TLE4: variants seen among roughly 807,000 people sequenced by gnomAD.
TLE4 encodes the protein transducin-like enhancer protein 4.
In TLE4, 8 loss-of-function variants were observed where a neutral mutation model predicts 92.8. That is an observed-to-expected ratio of 0.09 (90% CI 0.05 to 0.16). The LOEUF (loss-of-function observed/expected upper bound fraction) is 0.16, where lower values mean the gene tolerates loss of function less well. Among genes scored for constraint, TLE4 ranks in the 10% least tolerant of loss-of-function variants. TLE4 has a pLI of 1.00. For synonymous variants in TLE4, 371 were observed against 374.1 expected, an observed-to-expected ratio of 0.99 and a Z score of 0.10; for missense variants, 675 against 997.6, an observed-to-expected ratio of 0.68 and a Z score of 4.36.
At chr9:79,684,303 A>G (rs893380114) in intron 8 of TLE4, among the ~76,000 whole-genome samples, 1 of 152,154 alleles carries the variant, frequency 6.6e-6, no homozygotes, top group African/African-American at 2.4e-5. Flanking sequence ...GGGATCCCCA[A>G]ACCCCAGGCC....
intron 5 of TLE4, among the ~76,000 whole-genome samples, chr9:79,621,186 A>G (rs1416051798): frequency 6.6e-6 from 1 of 152,218 alleles, no homozygotes; most frequent in East Asian, 1.9e-4. Context: ...AGAGTTGCTG[A>G]AAAAGGCTTT....
intron 5 of TLE4, among the ~76,000 whole-genome samples, chr9:79,613,891 A>G (rs1210047989): frequency 6.6e-6 from 1 of 152,122 alleles, no homozygotes; most frequent in African/African-American, 2.4e-5. Flanking sequence ...ATATTCACAA[A>G]TCTTGTTGAC....
intron 14 of TLE4, among the ~76,000 whole-genome samples, chr9:79,714,812 C>T (rs959848706): frequency 5.3e-5 from 8 of 152,210 alleles, no homozygotes; most frequent in Admixed American, 5.2e-4. Context: ...ACACATTGTG[C>T]ATTAAATTAG....
intron 8 of TLE4, among the ~76,000 whole-genome samples, chr9:79,703,643 G>A (rs1588445526): frequency 6.6e-6 from 1 of 152,204 alleles, no homozygotes; most frequent in Non-Finnish European, 1.5e-5. Flanking sequence ...GAAAGCAGAG[G>A]TGAAGCATAC....
At chr9:79,590,135 G>A (rs1423682212) in intron 4 of TLE4, among the ~76,000 whole-genome samples, 1 of 152,168 alleles carries the variant, frequency 6.6e-6, no homozygotes, top group African/African-American at 2.4e-5. Context: ...GTTTGGAAAT[G>A]TGGTTTTACC....
At chr9:79,600,086 G>T (rs2045229832) in intron 4 of TLE4, among the ~76,000 whole-genome samples, 1 of 152,150 alleles carries the variant, frequency 6.6e-6, no homozygotes, top group Non-Finnish European at 1.5e-5. Context: ...AAATACACGG[G>T]CAGTAATGCA....
intron 8 of TLE4, among the ~76,000 whole-genome samples, chr9:79,680,231 G>T (rs2064224486): frequency 6.7e-6 from 1 of 150,208 alleles, no homozygotes; most frequent in East Asian, 2.0e-4. Context: ...TCATGATATT[G>T]ATTCTTCCTA....
chr9:79,677,583 G>A (rs780762455), intron 8 of TLE4, among the ~76,000 whole-genome samples: 63 of 150,164 alleles, frequency 4.2e-4, no homozygotes, highest in Non-Finnish European at 8.3e-4. Flanking sequence ...CATGGGTCCT[G>A]ATAACTTGTT....
intron 1 of TLE4, 28 bp from the exon 2 acceptor site, chr9:79,573,661 A>G (rs371124605): frequency 1.7e-5 from 26 of 1,557,250 alleles, no homozygotes; most frequent in South Asian, 3.5e-5. Flanking sequence ...GATGTGGGCT[A>G]ATTAAATATT....
At chr9:79,632,050 G>A (rs1401742106) in intron 6 of TLE4, among the ~76,000 whole-genome samples, 1 of 152,102 alleles carries the variant, frequency 6.6e-6, no homozygotes, top group Non-Finnish European at 1.5e-5. Flanking sequence ...TCTAGCCCTT[G>A]CCACTACAAC....
At chr9:79,589,525 G>C (rs2042023087) in intron 4 of TLE4, among the ~76,000 whole-genome samples, 1 of 152,046 alleles carries the variant, frequency 6.6e-6, no homozygotes, top group Admixed American at 6.6e-5. Context: ...CCAGATCTTT[G>C]TGGTGCTACT....
At chr9:79,672,989 G>A (rs2062666066) in intron 8 of TLE4, among the ~76,000 whole-genome samples, 2 of 152,162 alleles carry the variant, frequency 1.3e-5, no homozygotes, top group Non-Finnish European at 2.9e-5. Context: ...CTTTTAAAAT[G>A]TAATTCCAAT....
chr9:79,615,461 T>C (rs2049325687), intron 5 of TLE4, among the ~76,000 whole-genome samples: 1 of 152,202 alleles, frequency 6.6e-6, no homozygotes, highest in Non-Finnish European at 1.5e-5. Context: ...GTGCATAAGC[T>C]AACAGAACAT....
chr9:79,666,599 TA>T (rs1564764318), intron 8 of TLE4, among the ~76,000 whole-genome samples: 1 of 152,222 alleles, frequency 6.6e-6, no homozygotes. Context: ...ACTAGGCTGG[TA>T]AATAGCCATA....
intron 6 of TLE4, among the ~76,000 whole-genome samples, chr9:79,636,416 A>C (rs532063532): frequency 3.9e-5 from 6 of 152,206 alleles, no homozygotes; most frequent in Non-Finnish European, 8.8e-5. Context: ...CCCCTCTTTC[A>C]CTGGCCTTTC....
At chr9:79,691,854 CATTT>C (rs542750429) in intron 8 of TLE4, among the ~76,000 whole-genome samples, 2 of 152,268 alleles carry the variant, frequency 1.3e-5, no homozygotes, top group South Asian at 4.1e-4. Flanking sequence ...TTGCCATTCG[CATTT>C]ATTTTATTTT....
chr9:79,622,308 T>G (rs1337062112), intron 5 of TLE4, among the ~76,000 whole-genome samples: 1 of 152,176 alleles, frequency 6.6e-6, no homozygotes, highest in Non-Finnish European at 1.5e-5. Flanking sequence ...AATTCTACTC[T>G]GCTTGTCTGC....
intron 19 of TLE4, among the ~76,000 whole-genome samples, chr9:79,723,450 A>C (rs2075956917): frequency 6.6e-6 from 1 of 152,238 alleles, no homozygotes; most frequent in African/African-American, 2.4e-5. Flanking sequence ...GTTATGGAAA[A>C]GTTTGATAAA....
chr9:79,602,515 T>C (rs2045891561), intron 4 of TLE4, among the ~76,000 whole-genome samples: 2 of 152,244 alleles, frequency 1.3e-5, no homozygotes, highest in South Asian at 2.1e-4. Flanking sequence ...ACCCTGCCTG[T>C]GTTCTATAAA....
Sources: allele counts gnomAD v4.1 joint callset (sites outside exome capture counted in the v4.1 genomes callset), GRCh38; gene constraint gnomAD v4.1.1; transcripts MANE v1.5; gene names NCBI Gene and HGNC (gene_info 2026-07-23, HGNC 2026-07-21).